Variants in SORCS3 observed in about 807,000 individuals in gnomAD.
The protein encoded by SORCS3 is VPS10 domain-containing receptor SorCS3.
SORCS3 carries 57 observed loss-of-function variants against 146.3 expected under a neutral mutation model. That is an observed-to-expected ratio of 0.39 (90% CI 0.31 to 0.49). SORCS3 has a LOEUF of 0.49. Among genes scored for constraint, SORCS3 ranks in the 20% least tolerant of loss-of-function variants. The pLI is 0.92. For synonymous variants in SORCS3, 653 were observed against 618.5 expected, an observed-to-expected ratio of 1.06 and a Z score of -0.83; for missense variants, 1,341 against 1,575.5, an observed-to-expected ratio of 0.85 and a Z score of 2.52.
intron 1 of SORCS3, among the ~76,000 whole-genome samples, chr10:104,810,480 AG>A (rs1272912035): frequency 6.6e-6 from 1 of 152,350 alleles, no homozygotes; most frequent in East Asian, 1.9e-4. Context: ...AATATTGTAA[AG>A]TAAAATGTAG....
At chr10:104,954,640 A>C (rs1467100361) in intron 3 of SORCS3, among the ~76,000 whole-genome samples, 1 of 152,212 alleles carries the variant, frequency 6.6e-6, no homozygotes, top group Non-Finnish European at 1.5e-5. Context: ...TGTCATGTAC[A>C]TCAGCAGGAC....
chr10:104,944,691 A>G (rs2019352032), intron 3 of SORCS3, among the ~76,000 whole-genome samples: 1 of 152,238 alleles, frequency 6.6e-6, no homozygotes, highest in East Asian at 1.9e-4. Context: ...CTAAAATGAA[A>G]AGATAATATC....
At chr10:105,069,182 T>TATGCTTAC (rs2055541787) in intron 5 of SORCS3, among the ~76,000 whole-genome samples, 1 of 152,218 alleles carries the variant, frequency 6.6e-6, no homozygotes, top group African/African-American at 2.4e-5. Context: ...CAATCACTGT[T>TATGCTTAC]ATGCTTACAT....
At chr10:104,891,564 G>A (rs1272186398) in intron 2 of SORCS3, among the ~76,000 whole-genome samples, 1 of 152,056 alleles carries the variant, frequency 6.6e-6, no homozygotes, top group Non-Finnish European at 1.5e-5. Context: ...AAGGCTTACT[G>A]AATTTGTTTA....
chr10:104,975,853 G>A lies in SORCS3; in HGVS notation c.796-1482G>A, dbSNP rs565895975. On this transcript the variant is annotated intron_variant, in intron 3 of 26. Transcript: ENST00000369701. ...TAAATGGTGCCGGGAAAACCGGCTA[G>A]CCATATGTAGAAAGCTGAAACTGGA... 3.0e-3 allele frequency among the ~76,000 whole-genome samples: 461 copies of A among 152,338 alleles called. 2 individuals are homozygous for A. The highest frequency in any genetic ancestry group is 0.018 in the South Asian group (89 of 4,824).
At chr10:104,675,043 A>G (rs1173011077) in intron 1 of SORCS3, among the ~76,000 whole-genome samples, 1 of 152,126 alleles carries the variant, frequency 6.6e-6, no homozygotes, top group Non-Finnish European at 1.5e-5. Context: ...CCACCAAGTA[A>G]TTTTCCAGAG....
chr10:104,799,457 C>T (rs1470548162), intron 1 of SORCS3, among the ~76,000 whole-genome samples: 1 of 152,000 alleles, frequency 6.6e-6, no homozygotes, highest in Admixed American at 6.5e-5. Flanking sequence ...GAAAAGCAAA[C>T]ACCACATGTT....
intron 6 of SORCS3, among the ~76,000 whole-genome samples, chr10:105,092,435 A>C (rs2055716709): frequency 6.6e-6 from 1 of 152,164 alleles, no homozygotes; most frequent in African/African-American, 2.4e-5. Flanking sequence ...TTTAATAGCT[A>C]AAATAATGCT....
intron 1 of SORCS3, among the ~76,000 whole-genome samples, chr10:104,771,062 G>A (rs559376313): frequency 6.6e-6 from 1 of 152,098 alleles, no homozygotes; most frequent in East Asian, 1.9e-4. Context: ...CCAAATGCTT[G>A]ATAGCCACGT....
At chr10:105,223,692 G>A (rs2056717775) in intron 20 of SORCS3, among the ~76,000 whole-genome samples, 1 of 152,170 alleles carries the variant, frequency 6.6e-6, no homozygotes. Flanking sequence ...ATACTTACTA[G>A]TTGTTCTAGA....
chr10:104,807,501 A>G (rs1386702030), intron 1 of SORCS3, among the ~76,000 whole-genome samples: 2 of 147,438 alleles, frequency 1.4e-5, no homozygotes, highest in Non-Finnish European at 3.0e-5. Context: ...AAGGTAAAAA[A>G]TAGAGGTTAC....
At chr10:104,996,299 C>T (rs768974116) in intron 4 of SORCS3, among the ~76,000 whole-genome samples, 39 of 152,110 alleles carry the variant, frequency 2.6e-4, no homozygotes, top group Non-Finnish European at 4.7e-4. Context: ...GAGAATTGGC[C>T]TTTTAAACAT....
intron 1 of SORCS3, among the ~76,000 whole-genome samples, chr10:104,671,896 C>T (rs887918361): frequency 6.6e-6 from 1 of 152,112 alleles, no homozygotes; most frequent in African/African-American, 2.4e-5. Context: ...GAGGATTTTT[C>T]CAGCTGTGTC....
chr10:105,129,907 A>G (rs992332552), intron 7 of SORCS3, among the ~76,000 whole-genome samples: 2 of 152,102 alleles, frequency 1.3e-5, no homozygotes, highest in African/African-American at 2.4e-5. Context: ...TCCCTGATCA[A>G]CTGGGATCAG....
At chr10:104,765,353 G>A (rs1353510416) in intron 1 of SORCS3, among the ~76,000 whole-genome samples, 2 of 152,224 alleles carry the variant, frequency 1.3e-5, no homozygotes, top group Admixed American at 6.5e-5. Flanking sequence ...GGTTTATGGA[G>A]CCTTACAAAG....
At chr10:105,010,103 C>T (rs2055124942) in intron 4 of SORCS3, among the ~76,000 whole-genome samples, 1 of 152,124 alleles carries the variant, frequency 6.6e-6, no homozygotes, top group South Asian at 2.1e-4. Flanking sequence ...AGGGGTGTGG[C>T]TCAAGTGCAC....
intron 16 of SORCS3, among the ~76,000 whole-genome samples, chr10:105,205,991 G>A (rs746555784): frequency 2.6e-5 from 4 of 152,158 alleles, no homozygotes; most frequent in Non-Finnish European, 5.9e-5. Flanking sequence ...TTTATTGAGT[G>A]GTGATGTAGA....
intron 3 of SORCS3, among the ~76,000 whole-genome samples, chr10:104,965,239 A>G (rs766637046): frequency 1.3e-5 from 2 of 152,156 alleles, no homozygotes; most frequent in Non-Finnish European, 2.9e-5. Context: ...ATGTTGCCAC[A>G]TTGCATTTTA....
At chr10:105,247,394 C>T in intron 22 of SORCS3, 63 bp downstream of exon 22, 3 of 870,532 alleles carry the variant, frequency 3.4e-6, no homozygotes, top group Non-Finnish European at 5.7e-6. Flanking sequence ...ATGGTGTGGT[C>T]CACAATACAT....
Sources: gnomAD v4.1 joint callset for allele counts (sites outside exome capture counted in the v4.1 genomes callset) on GRCh38, gnomAD v4.1.1 for gene constraint, MANE v1.5 for transcripts, NCBI Gene and HGNC (gene_info 2026-07-23, HGNC 2026-07-21) for gene names.